TECPR2: variants seen among roughly 807,000 people sequenced by gnomAD.
TECPR2 encodes tectonin beta-propeller repeat containing 2.
In TECPR2, 65 loss-of-function variants were observed where a neutral mutation model predicts 138.1. The ratio of observed to expected loss-of-function variants is 0.47; its 90% CI spans 0.39 to 0.58. The LOEUF (loss-of-function observed/expected upper bound fraction) is 0.58, where lower values mean the gene tolerates loss of function less well. Among genes scored for constraint, TECPR2 ranks in the 20% least tolerant of loss-of-function variants. The pLI is 0.00. For missense variants in TECPR2, 1,553 were observed against 1,824.5 expected, an observed-to-expected ratio of 0.85 and a Z score of 2.71; for synonymous variants, 746 against 749.8, an observed-to-expected ratio of 0.99 and a Z score of 0.08.
intron 15 of TECPR2, among the ~76,000 whole-genome samples, chr14:102,452,180 C>G (rs1415344121): frequency 6.6e-6 from 1 of 152,220 alleles, no homozygotes; most frequent in Non-Finnish European, 1.5e-5. Flanking sequence ...TCCAACATCT[C>G]AGGCGTGTTT....
chr14:102,485,433 T>C (rs1225437318), intron 17 of TECPR2, among the ~76,000 whole-genome samples: 1 of 152,216 alleles, frequency 6.6e-6, no homozygotes, highest in African/African-American at 2.4e-5. Flanking sequence ...TCTATTGTTT[T>C]TGAGCTCTCT....
At chr14:102,458,966 C>CATAT (rs3068229) in intron 16 of TECPR2, among the ~76,000 whole-genome samples, 2,227 of 138,322 alleles carry the variant, frequency 0.016, 36 homozygotes, top group South Asian at 0.069. Flanking sequence ...AAAATACACA[C>CATAT]ATATATATAT....
At chr14:102,460,416 C>T (rs2139765828) in intron 16 of TECPR2, among the ~76,000 whole-genome samples, 1 of 152,084 alleles carries the variant, frequency 6.6e-6, no homozygotes, top group South Asian at 2.1e-4. Flanking sequence ...GAGTTTGAGA[C>T]TAGCCTGGCC....
At chr14:102,450,720 C>T (rs879407323) in intron 15 of TECPR2, 71 bp downstream of exon 15, 59 of 1,484,022 alleles carry the variant, frequency 4.0e-5, no homozygotes, top group Non-Finnish European at 4.6e-5. Context: ...AAACCACAGT[C>T]GGACTGTGGC....
chr14:102,455,602 C>T (rs1255291471), intron 16 of TECPR2, among the ~76,000 whole-genome samples: 3 of 152,106 alleles, frequency 2.0e-5, no homozygotes, highest in Admixed American at 6.6e-5. Context: ...CATGTGCCAC[C>T]ATGCCCACCT....
chr14:102,437,899 C>T (rs1235438907), intron 9 of TECPR2, 123 bp from the exon 10 acceptor site: 9 of 1,125,928 alleles, frequency 8.0e-6, no homozygotes, highest in South Asian at 3.0e-5. Flanking sequence ...GTTGACTTGG[C>T]GTCTTGCTGA....
At chr14:102,447,824 C>T (rs1202009779) in intron 13 of TECPR2, among the ~76,000 whole-genome samples, 2 of 150,998 alleles carry the variant, frequency 1.3e-5, no homozygotes, top group African/African-American at 4.9e-5. Context: ...TGAACCACCG[C>T]GCCCGGCCAG....
At chr14:102,465,489 CT>C in intron 17 of TECPR2, 200 bp downstream of exon 17, 1 of 1,355,018 alleles carries the variant, frequency 7.4e-7, no homozygotes. Flanking sequence ...GCTGAACAGA[CT>C]GTTACAGATT....
intron 17 of TECPR2, among the ~76,000 whole-genome samples, chr14:102,478,142 G>A (rs1315602775): frequency 6.6e-6 from 1 of 151,410 alleles, no homozygotes; most frequent in Non-Finnish European, 1.5e-5. Context: ...AAACTCCTGG[G>A]TCAAGCCATC....
In TECPR2 at chr14:102,425,564, TTTGTTGTTG is replaced by T. The variant is rs35980535; in HGVS notation, c.951+295_951+303del. Among the ~76,000 whole-genome samples, 4,128 of 151,782 alleles carry T rather than the reference TTTGTTGTTG, an allele frequency of 0.027. 71 individuals are homozygous for T. Among genetic ancestry groups the T allele is most frequent in the Middle Eastern group, 0.088 (26 of 294 alleles). On this transcript the variant is annotated intron_variant, in intron 6 of 19. Coordinates refer to ENST00000359520, the MANE Select transcript of TECPR2 (RefSeq NM_014844.5). The stretch of plus-strand genomic sequence containing the variant: ...TAAACACAAAATTAAACTTGTTCTT[TTTGTTGTTG>T]TTGTTGTTGTTGTTGTTGTTGAGAA...
intron 17 of TECPR2, among the ~76,000 whole-genome samples, chr14:102,484,289 G>A (rs1204940346): frequency 2.6e-5 from 4 of 152,166 alleles, no homozygotes; most frequent in African/African-American, 9.7e-5. Context: ...TTTGATGGCT[G>A]TAGAGTCAGT....
At position 102,447,046 on chromosome 14, in the gene TECPR2, G is replaced by A. The variant is rs766300320; in HGVS notation, c.3075+1099G>A. On this transcript the variant is annotated intron_variant, in intron 13 of 19. Coordinates refer to ENST00000359520, the MANE Select transcript of TECPR2 (RefSeq NM_014844.5). ...AGCAAAGACAGGAGAATTTTCCCAC[G>A]TGCTTCCAGAAAAGGAAACACTATA... Among the ~76,000 whole-genome samples the A allele has an allele frequency of 2.6e-4, 40 of 152,280 alleles. 1 individual carries two copies. The highest frequency in any genetic ancestry group is 3.4e-3 in the Middle Eastern group (1 of 292).
At chr14:102,377,797 A>T (rs1474279228) in intron 2 of TECPR2, among the ~76,000 whole-genome samples, 2 of 152,268 alleles carry the variant, frequency 1.3e-5, no homozygotes, top group African/African-American at 4.8e-5. Context: ...CTAAGTGTTT[A>T]CAGGAGCAGG....
chr14:102,365,012 T>A (rs747595581), intron 1 of TECPR2, among the ~76,000 whole-genome samples: 1 of 152,244 alleles, frequency 6.6e-6, no homozygotes, highest in African/African-American at 2.4e-5. Flanking sequence ...TCAAGATGCA[T>A]GTTCAATTTA....
chr14:102,473,713 A>AC (rs2139778980), intron 17 of TECPR2, among the ~76,000 whole-genome samples: 1 of 152,316 alleles, frequency 6.6e-6, no homozygotes, highest in South Asian at 2.1e-4. Context: ...AGATTTGCTA[A>AC]CACTTGCAAG....
chr14:102,453,875 A>G (rs963956794), intron 16 of TECPR2, among the ~76,000 whole-genome samples: 2 of 151,424 alleles, frequency 1.3e-5, no homozygotes, highest in African/African-American at 2.4e-5. Flanking sequence ...AGGGCTGGGC[A>G]CAGTGGCTAA....
intron 2 of TECPR2, among the ~76,000 whole-genome samples, chr14:102,399,775 G>A (rs540343865): frequency 3.3e-5 from 5 of 151,094 alleles, no homozygotes; most frequent in Non-Finnish European, 5.9e-5. Flanking sequence ...AGGTTGTAGC[G>A]AACTGAGATC....
rs775448295 is a variant in TECPR2, at chr14:102,452,494, C to T, written c.3507C>T (p.Ala1169=). The T allele has an allele frequency of 3.4e-5, 55 of 1,613,238 alleles. No homozygotes were observed. The highest frequency in any genetic ancestry group is 4.5e-5 in the East Asian group (2 of 44,888). Residue 1169 remains alanine, a synonymous_variant, in exon 16 of 20, where the codon GCC becomes GCT. Coordinates refer to ENST00000359520, the MANE Select transcript of TECPR2 (RefSeq NM_014844.5). Reference sequence around the variant, plus strand: ...CCACGGTGCAGCTGCCTCCCGAAGCCGAGATGCGCGCCTATGCCGCCTGCC... The same window carrying T: ...CCACGGTGCAGCTGCCTCCCGAAGCTGAGATGCGCGCCTATGCCGCCTGCC... The part of the protein sequence containing the change: ...RPSTVQLPPE[A]EMRAYAACQD...
intron 4 of TECPR2, among the ~76,000 whole-genome samples, chr14:102,410,332 G>T (rs749836587): frequency 7.1e-6 from 1 of 139,882 alleles, no homozygotes; most frequent in Non-Finnish European, 1.6e-5. Context: ...GCGGAAGGCC[G>T]CAGGGTCCTC....
Sources: gnomAD v4.1 joint callset for allele counts (sites outside exome capture counted in the v4.1 genomes callset) on GRCh38, gnomAD v4.1.1 for gene constraint, MANE v1.5 for transcripts, NCBI Gene and HGNC (gene_info 2026-07-23, HGNC 2026-07-21) for gene names.